The following ZNF804B variants were observed in gnomAD, a reference collection of about 807,000 sequenced individuals.
ZNF804B encodes zinc finger protein 804B, also known as zinc finger 804B.
Under a neutral mutation model 101.4 loss-of-function variants are expected in ZNF804B, and 80 were observed. That is an observed-to-expected ratio of 0.79 (90% confidence interval 0.66 to 0.95). ZNF804B has a LOEUF of 0.95. Among genes scored for constraint, ZNF804B ranks in the 40% least tolerant of loss-of-function variants. The pLI, the probability that ZNF804B is intolerant of heterozygous loss-of-function variation, is 0.00. For synonymous variants in ZNF804B, 622 were observed against 558.8 expected, an observed-to-expected ratio of 1.11 and a Z score of -1.59; for missense variants, 1,673 against 1,561.9, an observed-to-expected ratio of 1.07 and a Z score of -1.20.
chr7:89,089,769 A>G (rs1789855119), intron 1 of ZNF804B, among the ~76,000 whole-genome samples: 1 of 152,128 alleles, frequency 6.6e-6, no homozygotes, highest in African/African-American at 2.4e-5. Flanking sequence ...CATATTTAAA[A>G]TGCAGGTGTT....
chr7:89,006,464 T>A (rs956399768), intron 1 of ZNF804B, among the ~76,000 whole-genome samples: 1 of 152,146 alleles, frequency 6.6e-6, no homozygotes, highest in East Asian at 1.9e-4. Context: ...CTCATTTATA[T>A]CATGCATTGT....
intron 2 of ZNF804B, among the ~76,000 whole-genome samples, chr7:89,289,020 CATA>C (rs1460088865): frequency 6.6e-6 from 1 of 151,836 alleles, no homozygotes; most frequent in Non-Finnish European, 1.5e-5. Flanking sequence ...TATGGTAGAC[CATA>C]ATAAGTTAAG....
At chr7:89,300,837 C>G (rs1056895943) in intron 2 of ZNF804B, among the ~76,000 whole-genome samples, 1 of 151,844 alleles carries the variant, frequency 6.6e-6, no homozygotes, top group African/African-American at 2.4e-5. Flanking sequence ...AGAGATTGCT[C>G]TGTTTGTATT....
Position 89,218,302 on chromosome 7 carries a change from C to T in ZNF804B, c.249+7C>T, listed in dbSNP as rs200429600. The T allele has an allele frequency of 1.2e-6, 2 of 1,613,142 alleles. No homozygotes were observed. The highest frequency in any genetic ancestry group is 1.1e-5 in the South Asian group (1 of 90,926). The stretch of plus-strand genomic sequence containing the variant: ...TGACCATGCTCATAAGCAGGTAAGG[C>T]AAAGTGGGAAAAGTCCTTCATATTC... On this transcript the variant is annotated splice_region_variant and intron_variant, in intron 2 of 3. Transcript: ENST00000333190.
intron 1 of ZNF804B, among the ~76,000 whole-genome samples, chr7:89,005,944 A>G (rs750429994): frequency 6.6e-6 from 1 of 152,152 alleles, no homozygotes; most frequent in Non-Finnish European, 1.5e-5. Context: ...AGAAAGGAGA[A>G]GATGGGACTA....
chr7:88,954,706 T>C (rs1262207950), intron 1 of ZNF804B, among the ~76,000 whole-genome samples: 3 of 151,752 alleles, frequency 2.0e-5, no homozygotes, highest in Non-Finnish European at 4.4e-5. Context: ...AAGGTATCTT[T>C]AGTTTCCTTT....
At chr7:88,977,104 C>T (rs1793626870) in intron 1 of ZNF804B, among the ~76,000 whole-genome samples, 1 of 151,488 alleles carries the variant, frequency 6.6e-6, no homozygotes, top group Non-Finnish European at 1.5e-5. Flanking sequence ...TGATGAAGGA[C>T]CTTTTTAATG....
intron 1 of ZNF804B, among the ~76,000 whole-genome samples, chr7:88,953,005 A>G (rs1265648796): frequency 1.3e-5 from 2 of 151,756 alleles, no homozygotes; most frequent in African/African-American, 4.8e-5. Flanking sequence ...TAGCATTGGT[A>G]TAGGAATTCG....
At chr7:89,105,714 G>A (rs545172117) in intron 1 of ZNF804B, among the ~76,000 whole-genome samples, 5 of 152,086 alleles carry the variant, frequency 3.3e-5, no homozygotes, top group African/African-American at 4.8e-5. Flanking sequence ...CCCCAATTCA[G>A]TTTTGTCAGT....
At chr7:89,087,812 A>G (rs1411800459) in intron 1 of ZNF804B, among the ~76,000 whole-genome samples, 2 of 151,784 alleles carry the variant, frequency 1.3e-5, no homozygotes, top group African/African-American at 2.4e-5. Context: ...CTACCGTAAG[A>G]AATATATGTA....
At chr7:89,029,982 A>G (rs145085763) in intron 1 of ZNF804B, among the ~76,000 whole-genome samples, 88 of 152,272 alleles carry the variant, frequency 5.8e-4, no homozygotes, top group African/African-American at 2.0e-3. Context: ...CAAAACAACT[A>G]AATATATCAG....
chr7:88,896,128 G>C (rs902745422), intron 1 of ZNF804B, among the ~76,000 whole-genome samples: 4 of 152,202 alleles, frequency 2.6e-5, no homozygotes, highest in Admixed American at 2.6e-4. Flanking sequence ...ATGATGTGCT[G>C]AGAATGATTA....
At chr7:89,185,888 A>G (rs988109305) in intron 1 of ZNF804B, among the ~76,000 whole-genome samples, 2 of 152,040 alleles carry the variant, frequency 1.3e-5, no homozygotes, top group African/African-American at 4.8e-5. Context: ...CAATAAGAAA[A>G]AAAGAAAAAA....
At chr7:89,171,288 G>GCTGCTGCTTCTTCTTCTTCTTCTTCTT (rs1215246589) in intron 1 of ZNF804B, among the ~76,000 whole-genome samples, 1 of 82,484 alleles carries the variant, frequency 1.2e-5, no homozygotes, top group African/African-American at 4.9e-5. Context: ...TGCTGCTGCT[G>GCTGCTGCTTCTTCTTCTTCTTCTTCTT]CTTCTTCTTC....
rs553772493 is a variant in ZNF804B, at chr7:89,045,061, T to C, written c.109-173094T>C. Among the ~76,000 whole-genome samples the C allele has an allele frequency of 3.3e-5, 5 of 152,306 alleles. No homozygotes were observed. The East Asian group carries it at 9.7e-4, about 29-fold the overall frequency. On this transcript the variant is annotated intron_variant, in intron 1 of 3. Coordinates refer to ENST00000333190, the MANE Select transcript of ZNF804B (RefSeq NM_181646.5). ...CCCCCTGCTCTCTGCAGTTGGGACA[T>C]GGTGTCCTGTGTCCCAGCTGATTCA...
At chr7:89,195,252 G>A (rs1788527905) in intron 1 of ZNF804B, among the ~76,000 whole-genome samples, 2 of 148,168 alleles carry the variant, frequency 1.3e-5, no homozygotes, top group Admixed American at 6.8e-5. Context: ...GGCAAAAACT[G>A]GAAGCATTCC....
At chr7:89,063,290 A>G (rs938013862) in intron 1 of ZNF804B, among the ~76,000 whole-genome samples, 3 of 152,144 alleles carry the variant, frequency 2.0e-5, no homozygotes, top group East Asian at 1.9e-4. Context: ...GCTGTGCAAG[A>G]CTTGGAAAAC....
chr7:89,071,770 A>G (rs545716541), intron 1 of ZNF804B, among the ~76,000 whole-genome samples: 18 of 142,388 alleles, frequency 1.3e-4, no homozygotes, highest in Non-Finnish European at 1.8e-4. Flanking sequence ...ATATTTATGC[A>G]CACACAAATG....
intron 1 of ZNF804B, among the ~76,000 whole-genome samples, chr7:89,007,446 TTATA>T (rs61374091): frequency 0.047 from 2,660 of 57,108 alleles, 95 homozygotes; most frequent in African/African-American, 0.097. Context: ...ATCCATGATT[TTATA>T]TATATATATA....
Sources: allele counts gnomAD v4.1 joint callset (sites outside exome capture counted in the v4.1 genomes callset), GRCh38; gene constraint gnomAD v4.1.1; transcripts MANE v1.5; gene names NCBI Gene and HGNC (gene_info 2026-07-23, HGNC 2026-07-21).